Variants in PKHD1 observed in about 807,000 individuals in gnomAD.
PKHD1 encodes the protein fibrocystin.
A neutral mutation model predicts 412.0 loss-of-function variants in PKHD1; 291 were observed. The observed-to-expected ratio is 0.71, with a 90% CI of 0.64 to 0.78. PKHD1 has a LOEUF of 0.78. Among genes scored for constraint, PKHD1 ranks in the 30% least tolerant of loss-of-function variants. PKHD1 has a pLI of 0.00. For synonymous variants in PKHD1, 1,777 were observed against 1,821.5 expected (o/e 0.98, Z 0.62); for missense variants, 4,825 against 4,950.7 (o/e 0.97, Z 0.76).
chr6:51,861,228 C>T (rs1427156831), intron 48 of PKHD1, among the ~76,000 whole-genome samples: 3 of 152,196 alleles, frequency 2.0e-5, no homozygotes, highest in African/African-American at 7.2e-5. Context: ...AGTTATGTAA[C>T]TTAGTGCCCA....
intron 46 of PKHD1, among the ~76,000 whole-genome samples, chr6:51,881,883 T>G (rs1034928320): frequency 6.6e-6 from 1 of 152,316 alleles, no homozygotes; most frequent in East Asian, 1.9e-4. Context: ...CTGCACTTAC[T>G]TAAGAGACTG....
chr6:51,850,570 G>C (rs1772026184), intron 49 of PKHD1, among the ~76,000 whole-genome samples: 2 of 152,096 alleles, frequency 1.3e-5, no homozygotes, highest in Admixed American at 6.5e-5. Context: ...TTATTTCCTT[G>C]AGCAGTGGTT....
chr6:52,083,314 TGCAATATTTTAA>T, intron 2 of PKHD1, 59 bp from the exon 3 acceptor site: 3 of 1,071,824 alleles, frequency 2.8e-6, no homozygotes, highest in Non-Finnish European at 4.4e-6. Context: ...CACTACCTTC[TGCAATATTTTAA>T]GCAATATTTA....
intron 60 of PKHD1, among the ~76,000 whole-genome samples, chr6:51,707,438 A>G (rs1780139533): frequency 6.6e-6 from 1 of 152,086 alleles, no homozygotes; most frequent in East Asian, 1.9e-4. Context: ...GTGCTCTGAA[A>G]CCCACATCCT....
At chr6:51,737,968 A>T (rs1414766032) in intron 60 of PKHD1, among the ~76,000 whole-genome samples, 1 of 152,256 alleles carries the variant, frequency 6.6e-6, no homozygotes, top group African/African-American at 2.4e-5. Flanking sequence ...AAAAAATACA[A>T]ATAATCAGAC....
chr6:51,755,618 C>T (rs947681419), intron 55 of PKHD1, among the ~76,000 whole-genome samples: 7 of 152,248 alleles, frequency 4.6e-5, no homozygotes, highest in Non-Finnish European at 7.4e-5. Flanking sequence ...CTTTCACTGC[C>T]GCCTAGCATT....
chr6:51,783,080 G>T (rs1268908616), intron 53 of PKHD1, among the ~76,000 whole-genome samples: 1 of 152,094 alleles, frequency 6.6e-6, no homozygotes, highest in African/African-American at 2.4e-5. Context: ...ATGTGAGACA[G>T]GGCTGACAAA....
chr6:51,768,473 G>T (rs762365632), intron 55 of PKHD1, among the ~76,000 whole-genome samples: 1 of 151,786 alleles, frequency 6.6e-6, no homozygotes, highest in East Asian at 1.9e-4. Flanking sequence ...CTAGATATTT[G>T]CAGTTGAAAT....
rs1319163165 is a variant in PKHD1, at chr6:51,615,300, AT to A, written c.*3780del. The A allele has an allele frequency of 6.6e-6, 1 of 152,216 alleles. No homozygotes were observed. The highest frequency in any genetic ancestry group is 6.5e-5 in the Admixed American group (1 of 15,286). 9.4% of individuals were successfully genotyped at this position (152,216 alleles called of 1,614,324 possible). A position where few individuals can be genotyped will look rare whatever the true frequency, so the allele number is the denominator to read the frequency against. On this transcript the variant is annotated 3_prime_UTR_variant, in exon 67 of 67. Transcript: ENST00000371117. ...TAAAAAGAACAAATGCTAGAAGAAT[AT>A]TTGTAAACATTCAAATCTCTGTATT...
At chr6:52,006,085 C>G (rs1248984882) in intron 35 of PKHD1, among the ~76,000 whole-genome samples, 1 of 151,232 alleles carries the variant, frequency 6.6e-6, no homozygotes, top group Admixed American at 6.6e-5. Flanking sequence ...AGTTGTTGAG[C>G]CACTTGATAT....
chr6:51,937,450 C>T (rs1026482533), intron 36 of PKHD1, among the ~76,000 whole-genome samples: 1 of 152,156 alleles, frequency 6.6e-6, no homozygotes, highest in Non-Finnish European at 1.5e-5. Flanking sequence ...TGACTCTTTT[C>T]ATTTAATTGT....
At chr6:51,927,305 A>G (rs1327073936) in intron 37 of PKHD1, among the ~76,000 whole-genome samples, 1 of 152,108 alleles carries the variant, frequency 6.6e-6, no homozygotes, top group Non-Finnish European at 1.5e-5. Context: ...ACCTACCAGG[A>G]GGACACATGC....
Position 52,034,181 on chromosome 6 carries a change from A to G in PKHD1, c.3229-1016T>C, listed in dbSNP as rs1293177761. Among the ~76,000 whole-genome samples the G allele has an allele frequency of 1.2e-3, 17 of 13,676 alleles. No individual in the cohort carries two copies. The Admixed American group carries it at 0.016, about 13-fold the overall frequency. 9.0% of individuals were successfully genotyped at this position (13,676 alleles called of 152,430 possible). A position where few individuals can be genotyped will look rare whatever the true frequency, so the allele number is the denominator to read the frequency against. ...AAAATAAAATAGGAACTCTAGGGGA[A>G]AAAAAAAAAAAAGAACTATAAAAGA... On this transcript the variant is annotated intron_variant, in intron 28 of 66. Transcript: ENST00000371117.
chr6:51,856,542 A>G (rs896828710), intron 48 of PKHD1, among the ~76,000 whole-genome samples: 1 of 152,350 alleles, frequency 6.6e-6, no homozygotes, highest in Admixed American at 6.5e-5. Flanking sequence ...ACAGCAAAAA[A>G]CATTATTATT....
At chr6:51,845,689 C>T (rs1225363035) in intron 50 of PKHD1, among the ~76,000 whole-genome samples, 1 of 152,174 alleles carries the variant, frequency 6.6e-6, no homozygotes, top group Admixed American at 6.5e-5. Flanking sequence ...AGCACACATG[C>T]ACATTCACAC....
intron 45 of PKHD1, among the ~76,000 whole-genome samples, chr6:51,884,333 G>C (rs12195341): frequency 0.055 from 8,338 of 152,166 alleles, 350 homozygotes; most frequent in Non-Finnish European, 0.09. Context: ...TTTGTTTATA[G>C]ATATATGGGT....
chr6:52,013,001 C>G (rs989904319), intron 34 of PKHD1, among the ~76,000 whole-genome samples: 3 of 152,106 alleles, frequency 2.0e-5, no homozygotes, highest in Non-Finnish European at 4.4e-5. Flanking sequence ...CATAGAATAT[C>G]TGCCCATCAC....
At chr6:51,987,475 A>G (rs1796357553) in intron 35 of PKHD1, among the ~76,000 whole-genome samples, 1 of 152,212 alleles carries the variant, frequency 6.6e-6, no homozygotes, top group Non-Finnish European at 1.5e-5. Context: ...TGCAGAGGGA[A>G]AGTAACATGA....
chr6:51,989,987 G>GGAAGGA, intron 35 of PKHD1, among the ~76,000 whole-genome samples: 1 of 139,054 alleles, frequency 7.2e-6, no homozygotes, highest in South Asian at 2.4e-4. Flanking sequence ...AAGGAAGGGA[G>GGAAGGA]AGATACAGCA....
Sources: gnomAD v4.1 joint callset for allele counts (sites outside exome capture counted in the v4.1 genomes callset) on GRCh38, gnomAD v4.1.1 for gene constraint, MANE v1.5 for transcripts, NCBI Gene and HGNC (gene_info 2026-07-23, HGNC 2026-07-21) for gene names.